Variants in PCGF5 observed in about 807,000 individuals in gnomAD.
PCGF5 encodes the protein polycomb group ring finger 5.
A neutral mutation model predicts 44.3 loss-of-function variants in PCGF5; 9 were observed. That is an observed-to-expected ratio of 0.20 (90% CI 0.12 to 0.35). The LOEUF (loss-of-function observed/expected upper bound fraction) is 0.35, where lower values mean the gene tolerates loss of function less well. Among genes scored for constraint, PCGF5 ranks in the 10% least tolerant of loss-of-function variants. The pLI, the probability that PCGF5 is intolerant of heterozygous loss-of-function variation, is 1.00. For synonymous variants in PCGF5, 95 were observed against 102.5 expected, an observed-to-expected ratio of 0.93 and a Z score of 0.44; for missense variants, 146 against 305.3, an observed-to-expected ratio of 0.48 and a Z score of 3.89.
intron 1 of PCGF5, among the ~76,000 whole-genome samples, chr10:91,205,456 T>C (rs528294222): frequency 6.6e-6 from 1 of 152,328 alleles, no homozygotes; most frequent in South Asian, 2.1e-4. Context: ...TATTCCAGCG[T>C]TCATTCATAA....
intron 1 of PCGF5, among the ~76,000 whole-genome samples, chr10:91,202,872 A>C (rs1437847013): frequency 6.6e-6 from 1 of 152,210 alleles, no homozygotes; most frequent in African/African-American, 2.4e-5. Context: ...CTTTGCTTAA[A>C]AGGTTGACAT....
intron 1 of PCGF5, among the ~76,000 whole-genome samples, chr10:91,188,356 G>A (rs1021443939): frequency 6.6e-6 from 1 of 152,112 alleles, no homozygotes; most frequent in Non-Finnish European, 1.5e-5. Context: ...TGATTCTATT[G>A]GCTCTAAAAT....
chr10:91,221,846 A>G (rs370425550), intron 1 of PCGF5, among the ~76,000 whole-genome samples: 1 of 152,232 alleles, frequency 6.6e-6, no homozygotes, highest in Admixed American at 6.5e-5. Context: ...GAACGTAACT[A>G]TAAATCAAAA....
rs769785822 is a variant in PCGF5 at position 91,240,576 on chromosome 10, T to C, written c.205T>C (p.Leu69=). 3 of 1,600,110 alleles carry C rather than the reference T, an allele frequency of 1.9e-6. No individual in the cohort carries two copies. The Admixed American group carries it at 5.0e-5, about 27-fold the overall frequency. The change falls in exon 3 of 10, where the codon TTG becomes CTG. Residue 69 remains leucine (L), a synonymous_variant. Coordinates refer to ENST00000336126, the MANE Select transcript of PCGF5 (RefSeq NM_032373.5). ...QVHETNPLEM[L]RLDNTLEEII... is the part of the protein sequence containing the mutation. ...TCATGAGACAAATCCATTAGAAATG[T>C]TGAGGTAAGGATGTTATATTTTACA...
At chr10:91,213,119 C>T (rs1195934375) in intron 1 of PCGF5, among the ~76,000 whole-genome samples, 1 of 152,132 alleles carries the variant, frequency 6.6e-6, no homozygotes, top group Non-Finnish European at 1.5e-5. Flanking sequence ...TTTCAAGGGT[C>T]AAAGCTTGTA....
chr10:91,245,678 G>C (rs1242041620), intron 3 of PCGF5, among the ~76,000 whole-genome samples: 1 of 152,166 alleles, frequency 6.6e-6, no homozygotes, highest in African/African-American at 2.4e-5. Context: ...AAAAAAAATT[G>C]TAGCAACAGG....
intron 3 of PCGF5, among the ~76,000 whole-genome samples, chr10:91,241,622 C>T (rs1845329109): frequency 6.6e-6 from 1 of 150,628 alleles, no homozygotes; most frequent in Non-Finnish European, 1.5e-5. Flanking sequence ...CAGTGAAAAG[C>T]ACAAAAGGGG....
In PCGF5 at chr10:91,282,614, C is replaced by A. The variant is rs1303963594; in HGVS notation, c.*4298C>A. ...TACATCAAGAGGAAGTTCCATATCC[C>A]CCTTGTACCATTTCTCCTTGGGAAC... On this transcript the variant is annotated 3_prime_UTR_variant, in exon 10 of 10. Coordinates refer to ENST00000336126, the MANE Select transcript of PCGF5 (RefSeq NM_032373.5). 2 of 152,576 alleles carry A rather than the reference C, an allele frequency of 1.3e-5. No individual in the cohort carries two copies. Among genetic ancestry groups the A allele is most frequent in the African/African-American group, 4.8e-5 (2 of 41,426 alleles). 9.5% of individuals were successfully genotyped at this position (152,576 alleles called of 1,614,324 possible).
chr10:91,184,446 C>T (rs1028343454), intron 1 of PCGF5, among the ~76,000 whole-genome samples: 19 of 152,156 alleles, frequency 1.2e-4, no homozygotes, highest in Admixed American at 1.1e-3. Flanking sequence ...TTTTGTCTGT[C>T]AGCTCCTGCA....
At chr10:91,172,241 G>A (rs1436119278) in intron 1 of PCGF5, among the ~76,000 whole-genome samples, 3 of 152,000 alleles carry the variant, frequency 2.0e-5, no homozygotes, top group Non-Finnish European at 2.9e-5. Context: ...CCTGGCCAAC[G>A]TGATGAAACC....
chr10:91,230,843 G>A (rs1844982784), intron 2 of PCGF5, among the ~76,000 whole-genome samples: 1 of 152,054 alleles, frequency 6.6e-6, no homozygotes, highest in Non-Finnish European at 1.5e-5. Flanking sequence ...GCCTGGTCTT[G>A]AACTCCTGGG....
intron 6 of PCGF5, among the ~76,000 whole-genome samples, chr10:91,254,454 A>G (rs1443355687): frequency 1.3e-5 from 2 of 151,938 alleles, no homozygotes; most frequent in Non-Finnish European, 2.9e-5. Context: ...ACTTATATTT[A>G]TCTGTCAATT....
At chr10:91,258,974 A>G (rs1473163534) in intron 6 of PCGF5, among the ~76,000 whole-genome samples, 1 of 152,156 alleles carries the variant, frequency 6.6e-6, no homozygotes, top group African/African-American at 2.4e-5. Flanking sequence ...ATATCTTTAA[A>G]AGATTCTATT....
chr10:91,228,696 C>T (rs1347053919), intron 2 of PCGF5, among the ~76,000 whole-genome samples: 1 of 152,146 alleles, frequency 6.6e-6, no homozygotes, highest in Non-Finnish European at 1.5e-5. Flanking sequence ...TATACAAGTA[C>T]TTAAGGTACA....
chr10:91,245,490 G>A (rs961017864), intron 3 of PCGF5, among the ~76,000 whole-genome samples: 1 of 151,644 alleles, frequency 6.6e-6, no homozygotes, highest in African/African-American at 2.4e-5. Flanking sequence ...GAAATGGGGT[G>A]GGGGGGTGCT....
intron 1 of PCGF5, among the ~76,000 whole-genome samples, chr10:91,187,624 C>A (rs918461778): frequency 1.3e-5 from 2 of 152,110 alleles, no homozygotes; most frequent in Admixed American, 6.5e-5. Flanking sequence ...TGGGGTCCTT[C>A]TGTTTTCTGC....
intron 1 of PCGF5, among the ~76,000 whole-genome samples, chr10:91,206,043 A>G (rs1273561900): frequency 6.6e-6 from 1 of 152,188 alleles, no homozygotes; most frequent in Admixed American, 6.5e-5. Context: ...AAAAACTAAA[A>G]GACATGGTAT....
chr10:91,162,081 A>G (rs1210170315), upstream of PCGF5, among the ~76,000 whole-genome samples: 3 of 152,064 alleles, frequency 2.0e-5, no homozygotes, highest in East Asian at 5.8e-4. Flanking sequence ...GTATTCTGGC[A>G]GAGAACAGAG....
chr10:91,246,438 G>A (rs940717818), intron 3 of PCGF5, among the ~76,000 whole-genome samples: 21 of 152,310 alleles, frequency 1.4e-4, no homozygotes, highest in African/African-American at 5.1e-4. Context: ...AAGGGAGACA[G>A]TGAGCAAATA....
Sources: gnomAD v4.1 joint callset for allele counts (sites outside exome capture counted in the v4.1 genomes callset) on GRCh38, gnomAD v4.1.1 for gene constraint, MANE v1.5 for transcripts, NCBI Gene and HGNC (gene_info 2026-07-23, HGNC 2026-07-21) for gene names.